TC2N: variants seen among roughly 807,000 people sequenced by gnomAD.
TC2N encodes tandem C2 domains nuclear protein.
Under a neutral mutation model 61.9 loss-of-function variants are expected in TC2N, and 51 were observed. The ratio of observed to expected loss-of-function variants is 0.82; its 90% CI spans 0.66 to 1.04. The LOEUF is 1.04. Ranked by LOEUF, TC2N falls within the 50% of genes least tolerant of loss-of-function variation. The pLI is 0.00. For missense variants in TC2N, 556 were observed against 566.7 expected (o/e 0.98, Z 0.19); for synonymous variants, 204 against 192.6 (o/e 1.06, Z -0.49).
intron 3 of TC2N, among the ~76,000 whole-genome samples, chr14:91,809,131 C>A (rs1435911416): frequency 6.6e-6 from 1 of 152,142 alleles, no homozygotes; most frequent in African/African-American, 2.4e-5. Context: ...TAAAATTGGG[C>A]CAGGCATGGT....
intron 1 of TC2N, among the ~76,000 whole-genome samples, chr14:91,857,442 G>A (rs1888504095): frequency 6.6e-6 from 1 of 152,178 alleles, no homozygotes; most frequent in South Asian, 2.1e-4. Context: ...TTGGGTGAAT[G>A]GCTTGGGTAT....
At chr14:91,824,990 A>C (rs1887425088) in intron 1 of TC2N, among the ~76,000 whole-genome samples, 2 of 149,476 alleles carry the variant, frequency 1.3e-5, no homozygotes, top group Admixed American at 1.3e-4. Flanking sequence ...TCTGTTGAGT[A>C]GAGCCCCTTA....
chr14:91,822,510 A>G (rs1887298914), intron 1 of TC2N, among the ~76,000 whole-genome samples: 2 of 152,112 alleles, frequency 1.3e-5, no homozygotes, highest in South Asian at 2.1e-4. Context: ...TATCTTATTA[A>G]TACTGATTTG....
At chr14:91,853,270 G>A (rs541646776) in intron 1 of TC2N, among the ~76,000 whole-genome samples, 77 of 152,320 alleles carry the variant, frequency 5.1e-4, no homozygotes, top group Middle Eastern at 3.4e-3. Context: ...AGAGGTGAAG[G>A]CAGAGGGACC....
chr14:91,802,257 A>C lies in TC2N; in HGVS notation c.466T>G (p.Ser156Ala). Residue 156 changes from serine to alanine, a missense_variant, in exon 4 of 12, where the codon TCG (serine) becomes GCG (alanine). By Grantham distance (99) the Ser-to-Ala change is moderately conservative (BLOSUM62 1). Transcript: ENST00000435962. ...AAAGCACAAAAGATCTTCATACCCG[A>C]TCCATACAGTCTCTTCACTTCTGAA... The part of the protein sequence containing the change: ...PRSEVKRLYG[S>A]VCDLRTNKLP... 2.6e-6 allele frequency: 4 copies of C among 1,556,042 alleles called. No individual in the cohort carries two copies. Among genetic ancestry groups the C allele is most frequent in the Non-Finnish European group, 2.6e-6 (3 of 1,158,418 alleles).
intron 1 of TC2N, among the ~76,000 whole-genome samples, chr14:91,818,813 A>T (rs1767447668): frequency 6.6e-6 from 1 of 152,196 alleles, no homozygotes; most frequent in African/African-American, 2.4e-5. Flanking sequence ...AAGGCATAGT[A>T]AGATAAACTA....
At chr14:91,806,719 T>C (rs1243630991) in intron 3 of TC2N, among the ~76,000 whole-genome samples, 1 of 151,932 alleles carries the variant, frequency 6.6e-6, no homozygotes, top group African/African-American at 2.4e-5. Flanking sequence ...GTTCGAAAAA[T>C]TTGCAGACTG....
At chr14:91,836,692 C>T (rs947790549) in intron 1 of TC2N, among the ~76,000 whole-genome samples, 1 of 106,452 alleles carries the variant, frequency 9.4e-6, no homozygotes, top group African/African-American at 3.1e-5. Flanking sequence ...GGGCCTCCCG[C>T]GTACCTGAGC....
Position 91,818,995 on chromosome 14 carries a change from A to T in TC2N, c.-56-5170T>A, listed in dbSNP as rs117375370. Among the ~76,000 whole-genome samples the T allele has an allele frequency of 9.1e-3, 1,386 of 152,238 alleles. 9 individuals carry two copies. The highest frequency in any genetic ancestry group is 0.015 in the Non-Finnish European group (1,020 of 68,018). On this transcript the variant is annotated intron_variant, in intron 1 of 11. Transcript: ENST00000435962. Reference sequence around the variant, plus strand: ...TAATGGCCAAAATTTTCCAAACTTGATAACTACAAACCACAGATCTAAGAA... The same window carrying T: ...TAATGGCCAAAATTTTCCAAACTTGTTAACTACAAACCACAGATCTAAGAA...
At chr14:91,808,450 A>G (rs145839950) in intron 3 of TC2N, among the ~76,000 whole-genome samples, 3 of 152,316 alleles carry the variant, frequency 2.0e-5, no homozygotes, top group Admixed American at 6.5e-5. Context: ...CTGTGCTTGC[A>G]ACACAATTTT....
At chr14:91,822,328 G>C (rs1887290859) in intron 1 of TC2N, among the ~76,000 whole-genome samples, 1 of 152,096 alleles carries the variant, frequency 6.6e-6, no homozygotes, top group Non-Finnish European at 1.5e-5. Context: ...GAAGTAAGCT[G>C]GTTAAACATG....
chr14:91,791,172 GGAAA>G, intron 9 of TC2N, among the ~76,000 whole-genome samples: 2 of 66,596 alleles, frequency 3.0e-5, no homozygotes, highest in East Asian at 1.0e-3. Flanking sequence ...GGAAGGGAAG[GGAAA>G]GGAGGGGAGG....
intron 9 of TC2N, among the ~76,000 whole-genome samples, chr14:91,788,721 T>G (rs1885485281): frequency 6.6e-6 from 1 of 152,160 alleles, no homozygotes; most frequent in Admixed American, 6.5e-5. Flanking sequence ...TATGATTCTG[T>G]ATTTCAAACC....
intron 3 of TC2N, among the ~76,000 whole-genome samples, chr14:91,804,711 A>G (rs900846993): frequency 6.6e-5 from 10 of 152,220 alleles, no homozygotes; most frequent in South Asian, 2.1e-4. Context: ...AGAAAAAATT[A>G]AACTACAATA....
intron 1 of TC2N, among the ~76,000 whole-genome samples, chr14:91,827,696 G>A (rs1887561923): frequency 6.6e-6 from 1 of 152,104 alleles, no homozygotes; most frequent in Non-Finnish European, 1.5e-5. Context: ...ATTAGGACAT[G>A]GTAATCTTTG....
intron 1 of TC2N, among the ~76,000 whole-genome samples, chr14:91,840,526 A>G (rs114607020): frequency 6.6e-6 from 1 of 152,346 alleles, no homozygotes; most frequent in African/African-American, 2.4e-5. Context: ...CCTGAAAACA[A>G]GCACAGAGTC....
chr14:91,825,091 A>G (rs1887438872), intron 1 of TC2N, among the ~76,000 whole-genome samples: 1 of 120,278 alleles, frequency 8.3e-6, no homozygotes, highest in Admixed American at 1.2e-4. Flanking sequence ...GCTGGAGTGC[A>G]GTGGTGCGAT....
chr14:91,795,878 T>C (rs934488846), intron 8 of TC2N, among the ~76,000 whole-genome samples: 9 of 152,102 alleles, frequency 5.9e-5, no homozygotes, highest in African/African-American at 2.2e-4. Context: ...ATCTTTTTCT[T>C]TTAGAGTCTC....
intron 8 of TC2N, among the ~76,000 whole-genome samples, chr14:91,797,249 T>A (rs1160138553): frequency 6.6e-6 from 1 of 151,770 alleles, no homozygotes; most frequent in Non-Finnish European, 1.5e-5. Context: ...GTCATTTGAA[T>A]GATATTATTT....
Sources: gnomAD v4.1 joint callset for allele counts (sites outside exome capture counted in the v4.1 genomes callset) on GRCh38, gnomAD v4.1.1 for gene constraint, MANE v1.5 for transcripts, NCBI Gene and HGNC (gene_info 2026-07-23, HGNC 2026-07-21) for gene names.